Variants in MFN2 observed in about 807,000 individuals in gnomAD.
MFN2 encodes the protein mitofusin-2.
In MFN2, 43 loss-of-function variants were observed where a neutral mutation model predicts 87.5. That is an observed-to-expected ratio of 0.49 (90% CI 0.38 to 0.63). The LOEUF is 0.63. Ranked by LOEUF, MFN2 falls within the 30% of genes least tolerant of loss-of-function variation. MFN2 has a pLI of 0.00. For missense variants in MFN2, 743 were observed against 972.8 expected (o/e 0.76, Z 3.14); for synonymous variants, 337 against 359.9 (o/e 0.94, Z 0.72).
chr1:12,002,309 G>A (rs1403540487), intron 11 of MFN2, among the ~76,000 whole-genome samples: 1 of 152,246 alleles, frequency 6.6e-6, no homozygotes, highest in Non-Finnish European at 1.5e-5. Flanking sequence ...CACCCCACCT[G>A]GTCTGTGCAG....
Position 12,005,880 on chromosome 1 carries a change from G to T in MFN2, c.1665G>T (p.Arg555Ser). The T allele has an allele frequency of 1.2e-6, 2 of 1,614,156 alleles. No individual in the cohort carries two copies. Among genetic ancestry groups the T allele is most frequent in the Non-Finnish European group, 1.7e-6 (2 of 1,180,032 alleles). The change falls in exon 15 of 19, where the codon AGG (arginine) becomes AGT (serine). Residue 555 changes from arginine to serine, a missense_variant. Arg to Ser is a moderately radical substitution (Grantham distance 110). Coordinates refer to ENST00000235329, the MANE Select transcript of MFN2 (RefSeq NM_014874.4). ...FSLGWTMLVN[R>S]FLGPKNSRRA... ...TCGGATGGACCATGCTGGTGAATAG[G>T]TTCCTGGGCCCCAAGAACAGCCGTC... is the stretch of plus-strand genomic sequence containing the variant.
At chr1:12,011,034 G>A (rs956841501) in intron 18 of MFN2, among the ~76,000 whole-genome samples, 1 of 149,858 alleles carries the variant, frequency 6.7e-6, no homozygotes, top group African/African-American at 2.4e-5. Flanking sequence ...TGCCCCCCCC[G>A]CACCCCCACC....
intron 4 of MFN2, among the ~76,000 whole-genome samples, chr1:11,993,159 G>T (rs1190336980): frequency 6.6e-6 from 1 of 151,306 alleles, no homozygotes; most frequent in Admixed American, 6.6e-5. Flanking sequence ...CCCTTGCCCT[G>T]GCCACCACCA....
Position 11,998,857 on chromosome 1 carries a change from A to C in MFN2, c.687A>C (p.Ser229=). The change falls in exon 7 of 19, where the codon TCA becomes TCC. Residue 229 remains serine (S), a synonymous_variant. Transcript: ENST00000235329. ...ATGTGTTTGTGCTGGTGGCCAACTCAGAGTCCACCCTGATGCAGACGGTAA... is the reference window on the plus strand; with the variant it reads ...ATGTGTTTGTGCTGGTGGCCAACTCCGAGTCCACCCTGATGCAGACGGTAA... ...DADVFVLVAN[S]ESTLMQTEKH... The C allele has an allele frequency of 6.2e-7, 1 of 1,614,182 alleles. No individual in the cohort carries two copies. Among genetic ancestry groups the C allele is most frequent in the Non-Finnish European group, 8.5e-7 (1 of 1,180,016 alleles).
rs1474170750 is a variant in MFN2 at position 12,004,359 on chromosome 1, C to T, written c.1288-150C>T. On this transcript the variant is annotated intron_variant, in intron 12 of 18. Coordinates refer to ENST00000235329, the MANE Select transcript of MFN2 (RefSeq NM_014874.4). The surrounding 1 kb of genome is among the most constrained non-coding windows in gnomAD (Gnocchi z 4.2). ...TTGATCAGCCAGTTTCCCAGACCCT[C>T]TCACTTCAGAGGCTTTAATTCCATA... The T allele has an allele frequency of 1.1e-6, 1 of 921,726 alleles. No homozygotes were observed. Among genetic ancestry groups the T allele is most frequent in the Non-Finnish European group, 1.8e-6 (1 of 558,752 alleles). 57.1% of individuals were successfully genotyped at this position (921,726 alleles called of 1,614,324 possible). A position where few individuals can be genotyped will look rare whatever the true frequency, so the allele number is the denominator to read the frequency against.
At chr1:12,005,411 G>C (rs932129995) in intron 14 of MFN2, among the ~76,000 whole-genome samples, 1 of 152,216 alleles carries the variant, frequency 6.6e-6, no homozygotes, top group African/African-American at 2.4e-5. Context: ...CACAGGGTTG[G>C]GGAGCCCATC....
Position 11,989,269 on chromosome 1 carries a change from C to G in MFN2, c.101C>G (p.Thr34Ser), listed in dbSNP as rs1378983806. The G allele has an allele frequency of 6.2e-7, 1 of 1,614,120 alleles. No individual in the cohort carries two copies. Among genetic ancestry groups the G allele is most frequent in the Non-Finnish European group, 8.5e-7 (1 of 1,180,030 alleles). ...GCATCCCCACTTAAGCACTTTGTCA[C>G]TGCCAAGAAGAAGATCAATGGCATT... Reference protein sequence around the residue: ...VNASPLKHFVTAKKKINGIFE... With the variant: ...VNASPLKHFVSAKKKINGIFE... Residue 34 changes from threonine (T) to serine (S), a missense_variant, in exon 3 of 19, where the codon ACT (threonine) becomes AGT (serine). Coordinates refer to ENST00000235329, the MANE Select transcript of MFN2 (RefSeq NM_014874.4).
At position 11,990,271 on chromosome 1, in the gene MFN2, C is replaced by T. The variant is rs534223959; in HGVS notation, c.175+928C>T. Reference sequence around the variant, plus strand: ...AAGAGACTGTCCAACTTCATGCCCTCATCTGTGCCCTGCCCTTTGCGTGGC... The same window carrying T: ...AAGAGACTGTCCAACTTCATGCCCTTATCTGTGCCCTGCCCTTTGCGTGGC... On this transcript the variant is annotated intron_variant, in intron 3 of 18. Transcript: ENST00000235329. Among the ~76,000 whole-genome samples, 9 of 152,384 alleles carry T rather than the reference C, an allele frequency of 5.9e-5. No homozygotes were observed. In the South Asian group the frequency reaches 1.9e-3, roughly 32 times the overall value.
rs549425750 is a variant in MFN2, at chr1:12,007,184, T to C, written c.2004T>C (p.His668=). Residue 668 remains histidine (H), a synonymous_variant, in exon 17 of 19, where the codon CAT becomes CAC. Coordinates refer to ENST00000235329, the MANE Select transcript of MFN2 (RefSeq NM_014874.4). The part of the protein sequence containing the change: ...ERAFKRQFVE[H]ASEKLQLVIS... The stretch of plus-strand genomic sequence containing the variant: ...CCTTCAAGCGCCAGTTTGTGGAGCA[T>C]GCCAGCGAGAAGCTGCAGCTTGTCA... The C allele has an allele frequency of 1.2e-6, 2 of 1,614,178 alleles. No homozygotes were observed. Among genetic ancestry groups the C allele is most frequent in the South Asian group, 1.1e-5 (1 of 91,086 alleles).
At chr1:11,985,839 T>C (rs1322440202) in intron 2 of MFN2, among the ~76,000 whole-genome samples, 2 of 152,184 alleles carry the variant, frequency 1.3e-5, no homozygotes, top group African/African-American at 2.4e-5. Context: ...TCTCGAACAG[T>C]CTGATCTGCC....
intron 3 of MFN2, among the ~76,000 whole-genome samples, chr1:11,992,018 C>T (rs547694259): frequency 6.2e-4 from 91 of 147,552 alleles, no homozygotes; most frequent in African/African-American, 2.3e-3. Context: ...AATCATAGCT[C>T]TGCCTTTTAC....
chr1:11,990,975 C>T lies in MFN2; in HGVS notation c.176-1580C>T, dbSNP rs1014020370. Among the ~76,000 whole-genome samples the T allele has an allele frequency of 1.1e-4, 17 of 152,144 alleles. No homozygotes were observed. The South Asian group carries it at 1.2e-3, about 11-fold the overall frequency. On this transcript the variant is annotated intron_variant, in intron 3 of 18. Coordinates refer to ENST00000235329, the MANE Select transcript of MFN2 (RefSeq NM_014874.4). ...GCCCTTGTCATGCTTCAGATGCTTT[C>T]GGAGTGTTCTCAGGGCTGGGGCCTG...
Position 11,996,149 on chromosome 1 carries a change from C to G in MFN2, c.312-7C>G. 1 of 1,614,156 alleles carries G rather than the reference C, an allele frequency of 6.2e-7. No individual in the cohort carries two copies. Among genetic ancestry groups the G allele is most frequent in the East Asian group, 2.2e-5 (1 of 44,886 alleles). ...TGGCTTTGCTGACAGCTGTTACTTC[C>G]TTCTAGGACGAGCAATGGGAAGAGC... On this transcript the variant is annotated splice_region_variant and splice_polypyrimidine_tract_variant and intron_variant, in intron 4 of 18. Coordinates refer to ENST00000235329, the MANE Select transcript of MFN2 (RefSeq NM_014874.4).
At chr1:11,984,959 A>G (rs1569782772) in intron 2 of MFN2, among the ~76,000 whole-genome samples, 1 of 152,190 alleles carries the variant, frequency 6.6e-6, no homozygotes, top group South Asian at 2.1e-4. Flanking sequence ...TGCTCCATCA[A>G]ATTAATTGAA....
chr1:11,998,043 C>T lies in MFN2; in HGVS notation c.599+622C>T, dbSNP rs1014813021. On this transcript the variant is annotated intron_variant, in intron 6 of 18. Transcript: ENST00000235329. ...GGATTACAGGTGCCCGCCACCATGC[C>T]TGGCTAAATTTTGTATTTTTAGTAG... Among the ~76,000 whole-genome samples, 5 of 151,324 alleles carry T rather than the reference C, an allele frequency of 3.3e-5. No homozygotes were observed. The East Asian group carries it at 9.9e-4, about 30-fold the overall frequency.
rs181955529 is a variant in MFN2, at chr1:12,003,556, C to T, written c.1161-436C>T. On this transcript the variant is annotated intron_variant, in intron 11 of 18. Transcript: ENST00000235329. This position sits in a 1 kb window ranked among gnomAD's most constrained non-coding sequence, Gnocchi z 4.1. ...GCGCATGCCTGTAATCCCAGCTACTCGGGAGGCTGAAGCAGGAGAATCGCT... is the reference window on the plus strand; with the variant it reads ...GCGCATGCCTGTAATCCCAGCTACTTGGGAGGCTGAAGCAGGAGAATCGCT... Among the ~76,000 whole-genome samples the T allele has an allele frequency of 6.8e-3, 1,028 of 151,846 alleles. 5 individuals carry two copies. The highest frequency in any genetic ancestry group is 0.01 in the Non-Finnish European group (701 of 67,974).
Position 12,004,513 on chromosome 1 carries a change from C to T in MFN2, c.1292C>T (p.Ser431Leu), listed in dbSNP as rs764374251. 16 of 1,613,872 alleles carry T rather than the reference C, an allele frequency of 9.9e-6. No individual in the cohort carries two copies. Among genetic ancestry groups the T allele is most frequent in the Admixed American group, 1.7e-5 (1 of 59,996 alleles). Residue 431 changes from serine to leucine, a missense_variant, in exon 13 of 19, where the codon TCG becomes TTG. Transcript: ENST00000235329. The surrounding 1 kb of genome is among the most constrained non-coding windows in gnomAD (Gnocchi z 4.2). ...QITEEVERQV[S>L]TAMAEEIRRL... is the part of the protein sequence containing the mutation. The stretch of plus-strand genomic sequence containing the variant: ...GTGTGCTTCCTTTTGCTGTAGGTGT[C>T]GACTGCAATGGCCGAGGAGATCAGG...
At chr1:11,991,000 G>A (rs1487810668) in intron 3 of MFN2, among the ~76,000 whole-genome samples, 1 of 152,186 alleles carries the variant, frequency 6.6e-6, no homozygotes. Context: ...GCTGGGGCCT[G>A]TCAGCCTCAT....
In MFN2 at chr1:12,011,579, C is replaced by T. The variant is rs369188276; in HGVS notation, c.*14C>T. ...CCCAGCAGATAGTGGGCACCTGAGG[C>T]GGAGTCTGCGTGGAGAGGGGCGGTG... is the stretch of plus-strand genomic sequence containing the variant. On this transcript the variant is annotated 3_prime_UTR_variant, in exon 19 of 19. Coordinates refer to ENST00000235329, the MANE Select transcript of MFN2 (RefSeq NM_014874.4). 62 of 1,613,458 alleles carry T rather than the reference C, an allele frequency of 3.8e-5. 1 individual carries two copies. The highest frequency in any genetic ancestry group is 2.5e-4 in the African/African-American group (19 of 74,998).
Sources: gnomAD v4.1 joint callset for allele counts (sites outside exome capture counted in the v4.1 genomes callset) on GRCh38, gnomAD v4.1.1 for gene constraint, Gnocchi (gnomAD v3.1) non-coding constraint, MANE v1.5 for transcripts, NCBI Gene and HGNC (gene_info 2026-07-23, HGNC 2026-07-21) for gene names.